The following LAMA2 variants were observed in gnomAD, a reference collection of about 807,000 sequenced individuals.
LAMA2 encodes the protein laminin subunit alpha 2.
Under a neutral mutation model 364.8 loss-of-function variants are expected in LAMA2, and 269 were observed. The observed-to-expected ratio is 0.74, with a 90% CI of 0.67 to 0.82. The LOEUF is 0.82. Ranked by LOEUF, LAMA2 falls within the 40% of genes least tolerant of loss-of-function variation. The pLI is 0.00. For synonymous variants in LAMA2, 1,379 were observed against 1,370.6 expected, an observed-to-expected ratio of 1.01 and a Z score of -0.14; for missense variants, 3,807 against 3,873.2, an observed-to-expected ratio of 0.98 and a Z score of 0.45.
chr6:129,230,182 A>G (rs373021065), intron 12 of LAMA2, among the ~76,000 whole-genome samples: 10 of 152,172 alleles, frequency 6.6e-5, no homozygotes, highest in African/African-American at 2.2e-4. Flanking sequence ...ATCAGTGACC[A>G]AAAAAGTAGA....
chr6:129,378,520 A>G (rs957873658), intron 34 of LAMA2, among the ~76,000 whole-genome samples: 2 of 152,214 alleles, frequency 1.3e-5, no homozygotes, highest in African/African-American at 4.8e-5. Context: ...GATTTTTAAA[A>G]ATATATCTAG....
At chr6:129,231,115 A>AGAATGGAATTTTTTTCTATT (rs1293864186) in intron 12 of LAMA2, among the ~76,000 whole-genome samples, 2 of 152,062 alleles carry the variant, frequency 1.3e-5, no homozygotes, top group African/African-American at 4.8e-5. Context: ...CTTCTTTTTT[A>AGAATGGAATTTTTTTCTATT]GAATGGAATT....
chr6:129,314,781 G>A lies in LAMA2; in HGVS notation c.3538G>A (p.Gly1180Arg), dbSNP rs773141468. The A allele has an allele frequency of 1.9e-6, 3 of 1,613,966 alleles. No individual in the cohort carries two copies. In the South Asian group the frequency reaches 3.3e-5, roughly 18 times the overall value. Residue 1180 changes from glycine to arginine, a missense_variant, in exon 24 of 65, where the codon GGA becomes AGA. Transcript: ENST00000421865. ...TACTACCCAGTGCTCTGAAGCAAAA[G>A]GACTGATCCGGACGTGGGTGAGTAG... ...GTTTQCSEAK[G>R]LIRTWVTLKA... is the part of the protein sequence containing the mutation.
In LAMA2 at chr6:129,438,500, A is replaced by G. The variant is rs1044394953; in HGVS notation, c.5969-146A>G. On this transcript the variant is annotated intron_variant, in intron 41 of 64. Coordinates refer to ENST00000421865, the MANE Select transcript of LAMA2 (RefSeq NM_000426.4). ...ATATTTTTAAAATATGATTGGAAAT[A>G]TATTTATGTATAGATGCCAATAAAT... 3 of 543,026 alleles carry G rather than the reference A, an allele frequency of 5.5e-6. No homozygotes were observed. The African/African-American group carries it at 5.7e-5, about 10-fold the overall frequency. 33.6% of individuals were successfully genotyped at this position (543,026 alleles called of 1,614,324 possible). A position where few individuals can be genotyped will look rare whatever the true frequency, so the allele number is the denominator to read the frequency against.
intron 1 of LAMA2, among the ~76,000 whole-genome samples, chr6:128,938,322 C>T (rs1457765811): frequency 1.3e-5 from 2 of 152,096 alleles, no homozygotes; most frequent in Non-Finnish European, 2.9e-5. Flanking sequence ...TCACAGCATA[C>T]AGTATTTATT....
At chr6:129,100,672 G>T (rs550650922) in intron 4 of LAMA2, among the ~76,000 whole-genome samples, 294 of 152,230 alleles carry the variant, frequency 1.9e-3, no homozygotes, top group African/African-American at 6.8e-3. Context: ...CTTAAAAATG[G>T]TTCAGAGGAG....
At chr6:129,452,868 A>T in intron 45 of LAMA2, 120 bp from the exon 46 acceptor site, 1 of 854,948 alleles carries the variant, frequency 1.2e-6, no homozygotes, top group Non-Finnish European at 1.9e-6. Context: ...TAATGATAGT[A>T]TTTGATGATA....
chr6:129,282,633 C>T (rs2114398894), intron 18 of LAMA2, among the ~76,000 whole-genome samples: 1 of 152,210 alleles, frequency 6.6e-6, no homozygotes, highest in East Asian at 1.9e-4. Context: ...TTTCTGCTGA[C>T]CTATCCCTTT....
intron 1 of LAMA2, among the ~76,000 whole-genome samples, chr6:129,007,336 ACT>A (rs2114687660): frequency 6.6e-6 from 1 of 152,114 alleles, no homozygotes; most frequent in Non-Finnish European, 1.5e-5. Context: ...GAAAACAGGG[ACT>A]CTGTCTGTCA....
chr6:128,906,842 C>T (rs1777508948), intron 1 of LAMA2, among the ~76,000 whole-genome samples: 1 of 150,706 alleles, frequency 6.6e-6, no homozygotes, highest in Non-Finnish European at 1.5e-5. Flanking sequence ...CCAGTTTCAG[C>T]TTTCTACATA....
At chr6:129,098,152 G>T (rs200476242) in intron 3 of LAMA2, 21 bp from the exon 4 acceptor site, 8 of 1,608,930 alleles carry the variant, frequency 5.0e-6, no homozygotes, top group Non-Finnish European at 1.7e-6. Context: ...CAATGTTATT[G>T]TTGTTGTTAT....
At chr6:128,982,520 T>C (rs572699930) in intron 1 of LAMA2, among the ~76,000 whole-genome samples, 1 of 152,312 alleles carries the variant, frequency 6.6e-6, no homozygotes, top group South Asian at 2.1e-4. Context: ...TTAATTTTTG[T>C]CAATTTTATG....
intron 30 of LAMA2, among the ~76,000 whole-genome samples, chr6:129,343,181 C>A (rs1442747319): frequency 6.6e-6 from 1 of 152,098 alleles, no homozygotes; most frequent in Non-Finnish European, 1.5e-5. Flanking sequence ...TTATAGACTT[C>A]AGTAAGGCAG....
At position 129,147,143 on chromosome 6, in the gene LAMA2, A is replaced by T. The variant is rs2279165; in HGVS notation, c.909+95A>T. 0.24 allele frequency: 196,366 copies of T among 815,796 alleles called. 30,995 individuals are homozygous for T. The highest frequency in any genetic ancestry group is 0.69 in the African/African-American group (41,423 of 59,640). 50.5% of individuals were successfully genotyped at this position (815,796 alleles called of 1,614,324 possible). A position where few individuals can be genotyped will look rare whatever the true frequency, so the allele number is the denominator to read the frequency against. On this transcript the variant is annotated intron_variant, in intron 6 of 64. Coordinates refer to ENST00000421865, the MANE Select transcript of LAMA2 (RefSeq NM_000426.4). ...GCTGACAGAGAACGCTGTAAATGGG[A>T]GTCAGGTCCCCACTTAGACAGTGTA...
chr6:129,075,011 G>A (rs1001672203), intron 3 of LAMA2, among the ~76,000 whole-genome samples: 1 of 152,114 alleles, frequency 6.6e-6, no homozygotes, highest in African/African-American at 2.4e-5. Flanking sequence ...TGTCCATGAA[G>A]GAGACAGGAG....
chr6:129,450,667 G>A (rs1211031801), intron 45 of LAMA2, among the ~76,000 whole-genome samples: 6 of 152,148 alleles, frequency 3.9e-5, no homozygotes, highest in African/African-American at 1.4e-4. Flanking sequence ...AATTAAACTA[G>A]CCATAATACA....
chr6:129,377,570 T>G (rs1282965634), intron 34 of LAMA2, among the ~76,000 whole-genome samples: 3 of 152,174 alleles, frequency 2.0e-5, no homozygotes, highest in Non-Finnish European at 4.4e-5. Context: ...TGATGAGTGC[T>G]TCACTACCAC....
Position 129,314,643 on chromosome 6 carries a change from G to C in LAMA2, c.3412-12G>C. On this transcript the variant is annotated splice_polypyrimidine_tract_variant and intron_variant, in intron 23 of 64. Transcript: ENST00000421865. ...CCGTTATAAACTCTGAGGGTCTCTTGTCTTTCCTCAGGTGAATGTGGAAGG... is the reference window on the plus strand; with the variant it reads ...CCGTTATAAACTCTGAGGGTCTCTTCTCTTTCCTCAGGTGAATGTGGAAGG... 6.2e-7 allele frequency: 1 copy of C among 1,613,054 alleles called. No individual in the cohort carries two copies. The highest frequency in any genetic ancestry group is 8.5e-7 in the Non-Finnish European group (1 of 1,179,850).
chr6:128,975,450 C>G (rs947476237), intron 1 of LAMA2, among the ~76,000 whole-genome samples: 4 of 152,058 alleles, frequency 2.6e-5, no homozygotes, highest in African/African-American at 9.7e-5. Flanking sequence ...AGTATATGAC[C>G]TATTTCAGGA....
Sources: gnomAD v4.1 joint callset for allele counts (sites outside exome capture counted in the v4.1 genomes callset) on GRCh38, gnomAD v4.1.1 for gene constraint, MANE v1.5 for transcripts, NCBI Gene and HGNC (gene_info 2026-07-23, HGNC 2026-07-21) for gene names.